The following TENM4 variants were observed in gnomAD, a reference collection of about 807,000 sequenced individuals.
TENM4 encodes teneurin-4.
A neutral mutation model predicts 243.3 loss-of-function variants in TENM4; 82 were observed. The observed-to-expected ratio is 0.34, with a 90% CI of 0.28 to 0.40. TENM4 has a LOEUF of 0.40. TENM4 is among the 10% of genes least tolerant of loss of function. The probability of loss-of-function intolerance (pLI) is 1.00; values close to 1 mark genes in which losing one functional copy is unlikely to be tolerated. For missense variants in TENM4, 3,138 were observed against 3,673.3 expected, an observed-to-expected ratio of 0.85 and a Z score of 3.77; for synonymous variants, 1,412 against 1,456.3, an observed-to-expected ratio of 0.97 and a Z score of 0.69.
chr11:79,330,359 T>G (rs1014293828), intron 1 of TENM4, among the ~76,000 whole-genome samples: 1 of 152,192 alleles, frequency 6.6e-6, no homozygotes, highest in African/African-American at 2.4e-5. Context: ...AGCCACTTCC[T>G]GAATCGCTGG....
chr11:79,354,616 C>T (rs1590904124), intron 1 of TENM4, among the ~76,000 whole-genome samples: 1 of 152,312 alleles, frequency 6.6e-6, no homozygotes, highest in East Asian at 1.9e-4. Context: ...GGTGACCCAT[C>T]AGCCTGCCTC....
chr11:78,766,805 T>G (rs1221016235), intron 18 of TENM4, among the ~76,000 whole-genome samples: 1 of 150,948 alleles, frequency 6.6e-6, no homozygotes, highest in African/African-American at 2.4e-5. Flanking sequence ...CAAATTAAAG[T>G]GATTCTCGTG....
intron 12 of TENM4, among the ~76,000 whole-genome samples, chr11:78,815,594 G>A (rs1467723290): frequency 6.6e-6 from 1 of 152,126 alleles, no homozygotes; most frequent in Non-Finnish European, 1.5e-5. Flanking sequence ...TGTAGCTCCT[G>A]TTGGTAAACC....
rs745953246 is a variant in TENM4 at position 78,676,346 on chromosome 11, A to G, written c.5302T>C (p.Leu1768=). The part of the protein sequence containing the change: ...NSYYIGADGS[L]RLLLANGMEV... ...ATGCCGTTGGCCAGCAGCAGCCGCA[A>G]GGAGCCATCGGCCCCGATGTAGTAG... is the stretch of plus-strand genomic sequence containing the variant. Residue 1768 remains leucine, a synonymous_variant, in exon 30 of 34, where the codon TTG becomes CTG. Coordinates refer to ENST00000278550, the MANE Select transcript of TENM4 (RefSeq NM_001098816.3). 17 of 1,609,012 alleles carry G rather than the reference A, an allele frequency of 1.1e-5. No individual in the cohort carries two copies. The highest frequency in any genetic ancestry group is 1.4e-5 in the Non-Finnish European group (16 of 1,175,868).
chr11:79,358,539 C>T (rs2135489074), intron 1 of TENM4, among the ~76,000 whole-genome samples: 1 of 152,214 alleles, frequency 6.6e-6, no homozygotes, highest in South Asian at 2.1e-4. Context: ...CCAAATTATG[C>T]CTTTGTAAGA....
At chr11:79,106,209 T>G (rs7925018) in intron 4 of TENM4, among the ~76,000 whole-genome samples, 21,719 of 152,208 alleles carry the variant, frequency 0.14, 1,636 homozygotes, top group Middle Eastern at 0.19. Flanking sequence ...GGATCCTAAC[T>G]CAAGTCTAGC....
At chr11:79,191,132 C>G (rs1355517636) in intron 3 of TENM4, among the ~76,000 whole-genome samples, 14 of 54,656 alleles carry the variant, frequency 2.6e-4, no homozygotes, top group South Asian at 7.8e-4. Context: ...CTCCCTCTCC[C>G]GTCTCCCTCT....
chr11:78,995,339 G>A (rs1346160017), intron 6 of TENM4, among the ~76,000 whole-genome samples: 1 of 152,116 alleles, frequency 6.6e-6, no homozygotes, highest in African/African-American at 2.4e-5. Context: ...GGCAATGGGG[G>A]AGCCATGGAA....
chr11:79,370,779 TAAA>T (rs544196671), intron 1 of TENM4, among the ~76,000 whole-genome samples: 4,090 of 56,134 alleles, frequency 0.073, 46 homozygotes, highest in Non-Finnish European at 0.095. Flanking sequence ...ACTCCTATGG[TAAA>T]AAAAAAAAAA....
intron 33 of TENM4, among the ~76,000 whole-genome samples, chr11:78,660,064 A>G (rs1857992191): frequency 6.6e-6 from 1 of 152,242 alleles, no homozygotes; most frequent in Admixed American, 6.5e-5. Context: ...ACAGGCAGTC[A>G]GAGACCGGGG....
At chr11:78,935,766 A>G in intron 6 of TENM4, among the ~76,000 whole-genome samples, 1 of 152,258 alleles carries the variant, frequency 6.6e-6, no homozygotes, top group East Asian at 1.9e-4. Flanking sequence ...TCAACTTGAC[A>G]TAAATTCCAA....
intron 4 of TENM4, among the ~76,000 whole-genome samples, chr11:79,134,871 GACCTAAA>G (rs1403334163): frequency 6.6e-6 from 1 of 152,086 alleles, no homozygotes; most frequent in Non-Finnish European, 1.5e-5. Flanking sequence ...TTAAATCTAA[GACCTAAA>G]ACTATAAAAA....
chr11:78,775,121 C>T (rs1420302439), intron 17 of TENM4, among the ~76,000 whole-genome samples: 1 of 152,146 alleles, frequency 6.6e-6, no homozygotes, highest in African/African-American at 2.4e-5. Context: ...TTAAAGGCTC[C>T]AAGAAGTCTT....
chr11:78,892,796 G>A (rs2136300325), intron 7 of TENM4, among the ~76,000 whole-genome samples: 1 of 152,316 alleles, frequency 6.6e-6, no homozygotes, highest in South Asian at 2.1e-4. Flanking sequence ...AGCAAAGCTT[G>A]TAGAAGCAAC....
intron 3 of TENM4, among the ~76,000 whole-genome samples, chr11:79,151,928 C>T (rs75184665): frequency 2.2e-3 from 331 of 152,218 alleles, no homozygotes; most frequent in African/African-American, 7.4e-3. Flanking sequence ...TTTTCAGAAC[C>T]AACCCCAGTG....
chr11:78,701,445 A>G, intron 28 of TENM4, 81 bp downstream of exon 28: 1 of 1,443,090 alleles, frequency 6.9e-7, no homozygotes, highest in Non-Finnish European at 9.2e-7. Context: ...GAATTAAAAT[A>G]AAATACTCGA....
intron 6 of TENM4, among the ~76,000 whole-genome samples, chr11:79,064,287 T>C (rs1860180945): frequency 6.6e-6 from 1 of 152,154 alleles, no homozygotes; most frequent in African/African-American, 2.4e-5. Context: ...TTGGAAGCCA[T>C]CCTCTGAACA....
chr11:78,741,162 C>T (rs1380557573), intron 19 of TENM4, among the ~76,000 whole-genome samples: 2 of 152,096 alleles, frequency 1.3e-5, no homozygotes, highest in Admixed American at 6.5e-5. Flanking sequence ...TGGTGGGGGC[C>T]TCTGAATTGT....
At chr11:79,015,850 G>A (rs760931311) in intron 6 of TENM4, among the ~76,000 whole-genome samples, 6 of 152,292 alleles carry the variant, frequency 3.9e-5, no homozygotes, top group South Asian at 4.1e-4. Flanking sequence ...TAAGTAGGAC[G>A]CCTTGAGAGA....
Sources: gnomAD v4.1 joint callset for allele counts (sites outside exome capture counted in the v4.1 genomes callset) on GRCh38, gnomAD v4.1.1 for gene constraint, MANE v1.5 for transcripts, NCBI Gene and HGNC (gene_info 2026-07-23, HGNC 2026-07-21) for gene names.